The following XRN2 variants were observed in gnomAD, a reference collection of about 807,000 sequenced individuals.
XRN2 encodes DHM1-like protein.
Under a neutral mutation model 138.5 loss-of-function variants are expected in XRN2, and 44 were observed. The observed-to-expected ratio is 0.32, with a 90% CI of 0.25 to 0.41. The LOEUF (loss-of-function observed/expected upper bound fraction) is 0.41, where lower values mean the gene tolerates loss of function less well. Ranked by LOEUF, XRN2 falls within the 10% of genes least tolerant of loss-of-function variation. The probability of loss-of-function intolerance (pLI) is 1.00; values close to 1 mark genes in which losing one functional copy is unlikely to be tolerated. For synonymous variants in XRN2, 354 were observed against 369.4 expected, an observed-to-expected ratio of 0.96 and a Z score of 0.48; for missense variants, 937 against 1,169.3, an observed-to-expected ratio of 0.80 and a Z score of 2.90.
At chr20:21,342,162 A>G (rs1453327338) in intron 15 of XRN2, among the ~76,000 whole-genome samples, 1 of 152,178 alleles carries the variant, frequency 6.6e-6, no homozygotes, top group Admixed American at 6.5e-5. Context: ...TCAAATTACC[A>G]GTTTATTTAA....
chr20:21,381,887 C>A (rs150941677), intron 27 of XRN2, 107 bp from the exon 28 acceptor site: 3 of 849,584 alleles, frequency 3.5e-6, no homozygotes, highest in Non-Finnish European at 5.1e-6. Flanking sequence ...ATTTGGTTTA[C>A]AGTCTTTCTC....
At chr20:21,322,480 A>C (rs1003283790) in intron 1 of XRN2, among the ~76,000 whole-genome samples, 2 of 152,098 alleles carry the variant, frequency 1.3e-5, no homozygotes, top group Non-Finnish European at 2.9e-5. Context: ...TTGGCATATG[A>C]CTTCCATCAG....
intron 13 of XRN2, among the ~76,000 whole-genome samples, chr20:21,334,494 T>C (rs2122219939): frequency 6.6e-6 from 1 of 152,248 alleles, no homozygotes; most frequent in Admixed American, 6.5e-5. Flanking sequence ...TGGAAGTCTA[T>C]TGGGATTGAA....
chr20:21,336,334 C>T (rs1021916195), intron 13 of XRN2, among the ~76,000 whole-genome samples: 7 of 151,970 alleles, frequency 4.6e-5, no homozygotes, highest in South Asian at 2.1e-4. Flanking sequence ...TGGTGGTGGG[C>T]GCCTATAATC....
intron 27 of XRN2, among the ~76,000 whole-genome samples, chr20:21,371,856 T>G (rs552242405): frequency 2.6e-5 from 4 of 152,374 alleles, no homozygotes; most frequent in African/African-American, 9.6e-5. Flanking sequence ...AGTTCTATAG[T>G]TCTTCGTCTG....
chr20:21,320,588 C>G (rs915956784), intron 1 of XRN2, among the ~76,000 whole-genome samples: 3 of 151,224 alleles, frequency 2.0e-5, no homozygotes, highest in African/African-American at 7.3e-5. Flanking sequence ...CGTGAGCCAC[C>G]ACGCCCGGCC....
intron 27 of XRN2, among the ~76,000 whole-genome samples, chr20:21,368,988 A>G (rs1209445498): frequency 1.3e-5 from 2 of 152,152 alleles, no homozygotes; most frequent in Non-Finnish European, 2.9e-5. Context: ...TGTGCTATCA[A>G]ATACTAGATC....
Position 21,303,364 on chromosome 20 carries a change from A to C in XRN2, c.-35A>C, listed in dbSNP as rs1247310389. On this transcript the variant is annotated 5_prime_UTR_variant, in exon 1 of 30. Transcript: ENST00000377191. ...TCCCGTCTCTTTGGTTACGCTCGTC[A>C]GCCGGTCGGCCGCCGCCTCCAGCCG... 1 of 1,541,468 alleles carries C rather than the reference A, an allele frequency of 6.5e-7. No individual in the cohort carries two copies. The highest frequency in any genetic ancestry group is 2.5e-5 in the East Asian group (1 of 39,216).
At position 21,334,153 on chromosome 20, in the gene XRN2, G is replaced by A; in HGVS notation, c.1201G>A (p.Asp401Asn). 1.9e-6 allele frequency: 3 copies of A among 1,613,842 alleles called. No individual in the cohort carries two copies. The highest frequency in any genetic ancestry group is 1.7e-6 in the Non-Finnish European group (2 of 1,179,906). Reference sequence around the variant, plus strand: ...CATGTTAGCAGTTGGTGAAGTTGAGGATAGCATTTTTAAAAAGAGAAAGGA... The same window carrying A: ...CATGTTAGCAGTTGGTGAAGTTGAGAATAGCATTTTTAAAAAGAGAAAGGA... ...MIMLAVGEVE[D>N]SIFKKRKDDE... Residue 401 changes from aspartate to asparagine, a missense_variant, in exon 13 of 30, where the codon GAT (aspartate) becomes AAT (asparagine). Physicochemically the swap from Asp to Asn is conservative, Grantham distance 23. Around this residue, in one of 6 missense-constraint regions of XRN2, gnomAD observed 471 missense variants for 581.2 expected, o/e 0.81. Coordinates refer to ENST00000377191, the MANE Select transcript of XRN2 (RefSeq NM_012255.5).
chr20:21,367,938 C>T (rs2038721381), intron 26 of XRN2, among the ~76,000 whole-genome samples: 2 of 151,712 alleles, frequency 1.3e-5, no homozygotes, highest in African/African-American at 2.4e-5. Context: ...AATTATATGC[C>T]CAAATATTTA....
intron 29 of XRN2, among the ~76,000 whole-genome samples, chr20:21,387,863 G>A (rs1682512310): frequency 6.6e-6 from 1 of 152,196 alleles, no homozygotes; most frequent in African/African-American, 2.4e-5. Context: ...TCACAGCTAA[G>A]GAACATATTT....
At chr20:21,364,460 G>C (rs1431329288) in intron 24 of XRN2, among the ~76,000 whole-genome samples, 9 of 152,130 alleles carry the variant, frequency 5.9e-5, no homozygotes, top group Admixed American at 5.9e-4. Flanking sequence ...ATCACTACCA[G>C]AAAAGAAGTT....
rs549950977 is a variant in XRN2 at position 21,328,430 on chromosome 20, T to G, written c.316-129T>G. On this transcript the variant is annotated intron_variant, in intron 3 of 29. Coordinates refer to ENST00000377191, the MANE Select transcript of XRN2 (RefSeq NM_012255.5). The stretch of plus-strand genomic sequence containing the variant: ...TCTGGTATCTGTCATGAAAGGATTA[T>G]TAGACACATTACTTACCTTTCTTCC... 7.0e-5 allele frequency: 62 copies of G among 885,782 alleles called. No homozygotes were observed. In the Middle Eastern group the frequency reaches 8.3e-4, roughly 12 times the overall value. 54.9% of individuals were successfully genotyped at this position (885,782 alleles called of 1,614,324 possible). A position where few individuals can be genotyped will look rare whatever the true frequency, so the allele number is the denominator to read the frequency against.
intron 28 of XRN2, among the ~76,000 whole-genome samples, chr20:21,382,752 T>C (rs944504894): frequency 4.6e-5 from 7 of 152,230 alleles, no homozygotes; most frequent in Non-Finnish European, 8.8e-5. Flanking sequence ...TGTGTGCTCC[T>C]AAGTCCGATG....
intron 1 of XRN2, among the ~76,000 whole-genome samples, chr20:21,323,837 T>C (rs1051521673): frequency 3.1e-4 from 47 of 152,212 alleles, no homozygotes; most frequent in African/African-American, 9.4e-4. Flanking sequence ...TCAGGTTTTA[T>C]TGGAATACAG....
intron 15 of XRN2, 117 bp from the exon 16 acceptor site, chr20:21,343,973 A>G (rs1316323811): frequency 1.4e-6 from 1 of 704,908 alleles, no homozygotes; most frequent in South Asian, 1.8e-5. Context: ...TACCATCTCT[A>G]TGTAGTAGCT....
rs372175560 is a variant in XRN2 at position 21,332,485 on chromosome 20, T to G, written c.858+45T>G. On this transcript the variant is annotated intron_variant, in intron 9 of 29. Transcript: ENST00000377191. ...AGTTGCCTCATTAAAAAAAAAAATCTATTGTGGTAAAATGTATATGACATA... is the reference window on the plus strand; with the variant it reads ...AGTTGCCTCATTAAAAAAAAAAATCGATTGTGGTAAAATGTATATGACATA... 416 of 1,284,160 alleles carry G rather than the reference T, an allele frequency of 3.2e-4. 1 individual carries two copies. Among genetic ancestry groups the G allele is most frequent in the Non-Finnish European group, 4.2e-4 (383 of 921,304 alleles). 79.5% of individuals were successfully genotyped at this position (1,284,160 alleles called of 1,614,324 possible). A position where few individuals can be genotyped will look rare whatever the true frequency, so the allele number is the denominator to read the frequency against.
chr20:21,308,602 T>G (rs1266926251), intron 1 of XRN2, among the ~76,000 whole-genome samples: 1 of 152,236 alleles, frequency 6.6e-6, no homozygotes. Context: ...CTTCAGATGC[T>G]TATTTGCTTT....
Position 21,306,314 on chromosome 20 carries a change from T to C in XRN2, c.75+2841T>C, listed in dbSNP as rs1209148777. On this transcript the variant is annotated intron_variant, in intron 1 of 29. Coordinates refer to ENST00000377191, the MANE Select transcript of XRN2 (RefSeq NM_012255.5). ...CACGCCCGGCTAATTTTTGTAGTTT[T>C]AGTAGAGACGGAGTTTCACCATGTT... Among the ~76,000 whole-genome samples the C allele has an allele frequency of 8.1e-5, 6 of 74,212 alleles. 2 individuals carry two copies. Among genetic ancestry groups the C allele is most frequent in the African/African-American group, 2.2e-4 (6 of 26,974 alleles). The allele number at this position is 74,212 out of a possible 152,430, so 48.7% of individuals were successfully genotyped here. A position where few individuals can be genotyped will look rare whatever the true frequency, so the allele number is the denominator to read the frequency against.
Sources: gnomAD v4.1 joint callset for allele counts (sites outside exome capture counted in the v4.1 genomes callset) on GRCh38, gnomAD v4.1.1 for gene constraint, gnomAD v4.1.1 regional missense constraint, MANE v1.5 for transcripts, NCBI Gene and HGNC (gene_info 2026-07-23, HGNC 2026-07-21) for gene names.